PALM2AKAP2: variants seen among roughly 807,000 people sequenced by gnomAD.
The protein encoded by PALM2AKAP2 is PALM2 and AKAP2 fusion.
A neutral mutation model predicts 71.5 loss-of-function variants in PALM2AKAP2; 37 were observed. The ratio of observed to expected loss-of-function variants is 0.52; its 90% CI spans 0.40 to 0.68. The LOEUF (loss-of-function observed/expected upper bound fraction) is 0.68. Ranked by LOEUF, PALM2AKAP2 falls within the 30% of genes least tolerant of loss-of-function variation. The pLI is 0.00. For synonymous variants in PALM2AKAP2, 468 were observed against 478.8 expected, an observed-to-expected ratio of 0.98 and a Z score of 0.29; for missense variants, 1,224 against 1,191.8, an observed-to-expected ratio of 1.03 and a Z score of -0.40.
At chr9:110,059,465 G>A (rs1049445860) in intron 1 of PALM2AKAP2, among the ~76,000 whole-genome samples, 10 of 152,122 alleles carry the variant, frequency 6.6e-5, no homozygotes, top group African/African-American at 2.2e-4. Flanking sequence ...CTTGAAATAG[G>A]TTATTCTAGA....
At chr9:109,960,474 A>G (rs964607185) in intron 6 of PALM2AKAP2, among the ~76,000 whole-genome samples, 4 of 152,236 alleles carry the variant, frequency 2.6e-5, no homozygotes, top group Non-Finnish European at 4.4e-5. Context: ...ATGAAAAATG[A>G]CAATCAAGAT....
intron 7 of PALM2AKAP2, among the ~76,000 whole-genome samples, chr9:110,043,628 C>T (rs1397707983): frequency 6.8e-6 from 1 of 147,856 alleles, no homozygotes; most frequent in Admixed American, 6.8e-5. Context: ...TTTACTTGCA[C>T]TTTTTTAATT....
chr9:109,642,697 C>G (rs1827087912), intron 1 of PALM2AKAP2, among the ~76,000 whole-genome samples: 1 of 151,520 alleles, frequency 6.6e-6, no homozygotes, highest in South Asian at 2.1e-4. Context: ...GGACTACAGG[C>G]ATGCACAACC....
At chr9:109,814,763 A>G (rs1239829110) in intron 1 of PALM2AKAP2, among the ~76,000 whole-genome samples, 2 of 152,264 alleles carry the variant, frequency 1.3e-5, no homozygotes, top group East Asian at 1.9e-4. Context: ...AGACTCATCT[A>G]TCAACCATTA....
chr9:109,788,297 G>A (rs1827019744), intron 1 of PALM2AKAP2, among the ~76,000 whole-genome samples: 1 of 152,222 alleles, frequency 6.6e-6, no homozygotes, highest in South Asian at 2.1e-4. Flanking sequence ...GGATGTTTGA[G>A]TTGATCCTGA....
At chr9:109,830,062 G>T (rs1392711443) in intron 1 of PALM2AKAP2, among the ~76,000 whole-genome samples, 1 of 152,114 alleles carries the variant, frequency 6.6e-6, no homozygotes, top group African/African-American at 2.4e-5. Context: ...CAAGATGCAG[G>T]TATGTTTTTC....
At chr9:110,122,073 C>T (rs974183064) in intron 1 of PALM2AKAP2, among the ~76,000 whole-genome samples, 8 of 152,194 alleles carry the variant, frequency 5.3e-5, no homozygotes, top group African/African-American at 1.7e-4. Context: ...ATTACAGACA[C>T]TTCTTAAGGT....
intron 2 of PALM2AKAP2, among the ~76,000 whole-genome samples, chr9:110,140,977 G>A (rs1386666633): frequency 6.6e-6 from 1 of 152,062 alleles, no homozygotes; most frequent in African/African-American, 2.4e-5. Context: ...TGGGGGGGCG[G>A]GCACAAACAT....
intron 1 of PALM2AKAP2, among the ~76,000 whole-genome samples, chr9:109,837,172 T>C (rs563568684): frequency 3.2e-4 from 49 of 152,266 alleles, no homozygotes; most frequent in African/African-American, 1.0e-3. Flanking sequence ...AGACTAACAG[T>C]GGATCTCTCT....
At chr9:109,831,344 C>T (rs1025711672) in intron 1 of PALM2AKAP2, among the ~76,000 whole-genome samples, 2 of 152,130 alleles carry the variant, frequency 1.3e-5, no homozygotes, top group Admixed American at 1.3e-4. Context: ...GCTTCATTCA[C>T]CTTTCAGCCT....
chr9:109,750,765 T>A (rs1339197262), intron 1 of PALM2AKAP2, among the ~76,000 whole-genome samples: 1 of 152,192 alleles, frequency 6.6e-6, no homozygotes, highest in African/African-American at 2.4e-5. Flanking sequence ...CATGAAGAAA[T>A]TTTTAAAATG....
chr9:109,989,747 T>A (rs1428221957), intron 6 of PALM2AKAP2, among the ~76,000 whole-genome samples: 2 of 152,196 alleles, frequency 1.3e-5, no homozygotes, highest in South Asian at 2.1e-4. Context: ...TGCCAGCTTC[T>A]CCTACTGTGG....
chr9:109,731,133 C>T (rs1344419850), intron 1 of PALM2AKAP2, among the ~76,000 whole-genome samples: 1 of 152,134 alleles, frequency 6.6e-6, no homozygotes. Flanking sequence ...TACATGTATA[C>T]ATACAGACAC....
At chr9:109,991,535 AGCCACCACACTTG>A (rs1231381204) in intron 6 of PALM2AKAP2, among the ~76,000 whole-genome samples, 1 of 152,096 alleles carries the variant, frequency 6.6e-6, no homozygotes, top group Admixed American at 6.6e-5. Context: ...CACCACACTT[AGCCACCACACTTG>A]GCCACCACGT....
At chr9:110,047,393 G>A (rs1298531582), upstream of PALM2AKAP2, among the ~76,000 whole-genome samples, 2 of 151,972 alleles carry the variant, frequency 1.3e-5, no homozygotes, top group African/African-American at 4.8e-5. Context: ...TGGCCTGGAT[G>A]GGCTTTCTGG....
chr9:109,902,382 C>T (rs1304389463), intron 3 of PALM2AKAP2, among the ~76,000 whole-genome samples: 2 of 152,246 alleles, frequency 1.3e-5, no homozygotes, highest in African/African-American at 4.8e-5. Context: ...TGGCCAGAGG[C>T]AGAGCCTCCA....
intron 1 of PALM2AKAP2, among the ~76,000 whole-genome samples, chr9:109,743,384 G>T (rs1432960272): frequency 6.6e-6 from 1 of 152,090 alleles, no homozygotes; most frequent in Non-Finnish European, 1.5e-5. Flanking sequence ...CCCCACCCGT[G>T]CAGAGCTGCA....
At chr9:109,973,043 C>T (rs187711011) in intron 6 of PALM2AKAP2, among the ~76,000 whole-genome samples, 1 of 151,946 alleles carries the variant, frequency 6.6e-6, no homozygotes, top group Non-Finnish European at 1.5e-5. Context: ...TGAAAGAAAC[C>T]CTGGATAGGG....
At chr9:109,797,397 T>G (rs1354486249) in intron 1 of PALM2AKAP2, among the ~76,000 whole-genome samples, 2 of 152,214 alleles carry the variant, frequency 1.3e-5, no homozygotes, top group Non-Finnish European at 2.9e-5. Flanking sequence ...TCTTGGACTG[T>G]GTTTGAGATC....
Sources: gnomAD v4.1 joint callset for allele counts (sites outside exome capture counted in the v4.1 genomes callset) on GRCh38, gnomAD v4.1.1 for gene constraint, MANE v1.5 for transcripts, NCBI Gene and HGNC (gene_info 2026-07-23, HGNC 2026-07-21) for gene names.